SMG9: variants seen among roughly 807,000 people sequenced by gnomAD.
SMG9 encodes nonsense-mediated mRNA decay factor SMG9.
Under a neutral mutation model 64.0 loss-of-function variants are expected in SMG9, and 55 were observed. That is an observed-to-expected ratio of 0.86 (90% CI 0.69 to 1.08). The LOEUF (loss-of-function observed/expected upper bound fraction) is 1.08. SMG9 is among the 50% of genes least tolerant of loss of function. The pLI, the probability that SMG9 is intolerant of heterozygous loss-of-function variation, is 0.00. For synonymous variants in SMG9, 244 were observed against 254.8 expected, an observed-to-expected ratio of 0.96 and a Z score of 0.41; for missense variants, 554 against 681.3, an observed-to-expected ratio of 0.81 and a Z score of 2.08.
At chr19:43,742,523 CG>C (rs1300029669) in intron 6 of SMG9, among the ~76,000 whole-genome samples, 2 of 152,208 alleles carry the variant, frequency 1.3e-5, no homozygotes, top group African/African-American at 4.8e-5. Context: ...TATATTCTAA[CG>C]TGCCGAATAG....
rs1341678857 is a variant in SMG9 at position 43,729,869 on chromosome 19, T to C, written c.*1727A>G. On this transcript the variant is annotated 3_prime_UTR_variant, in exon 14 of 14. Coordinates refer to ENST00000270066, the MANE Select transcript of SMG9 (RefSeq NM_019108.4). ...TCGAGGATGATCTTAAATGTTGGAA[T>C]AATGGCCAGAGAGGGGAGGCTCCTT... The C allele has an allele frequency of 6.6e-6, 1 of 152,222 alleles. No homozygotes were observed. Among genetic ancestry groups the C allele is most frequent in the Non-Finnish European group, 1.5e-5 (1 of 68,086 alleles). 9.4% of individuals were successfully genotyped at this position (152,222 alleles called of 1,614,324 possible). A position where few individuals can be genotyped will look rare whatever the true frequency, so the allele number is the denominator to read the frequency against.
chr19:43,733,274 T>C (rs376145204), intron 12 of SMG9, 50 bp downstream of exon 12: 34 of 1,594,934 alleles, frequency 2.1e-5, no homozygotes, highest in Non-Finnish European at 2.8e-5. Flanking sequence ...GGTCTCTCTC[T>C]GATCAGGATA....
In SMG9 at chr19:43,747,989, G is replaced by C; in HGVS notation, c.214C>G (p.Pro72Ala). 1 of 1,614,158 alleles carries C rather than the reference G, an allele frequency of 6.2e-7. No individual in the cohort carries two copies. Among genetic ancestry groups the C allele is most frequent in the South Asian group, 1.1e-5 (1 of 91,066 alleles). Residue 72 changes from proline to alanine, a missense_variant, in exon 3 of 14, where the codon CCA (proline) becomes GCA (alanine). Physicochemically the swap from Pro to Ala is conservative, Grantham distance 27 (BLOSUM62 -1). Transcript: ENST00000270066. ...QKTPIILSKPPAERSKQPPPP... is the reference protein window; with the variant it reads ...QKTPIILSKPAAERSKQPPPP... Reference sequence around the variant, plus strand: ...CCTTCTCTGCTCACCCGCTCTGCTGGAGGTTTTGAGAGGATGATGGGGGTT... The same window carrying C: ...CCTTCTCTGCTCACCCGCTCTGCTGCAGGTTTTGAGAGGATGATGGGGGTT...
Position 43,734,454 on chromosome 19 carries a change from G to T in SMG9, c.1037C>A (p.Ser346Tyr). 6.4e-7 allele frequency: 1 copy of T among 1,563,144 alleles called. No homozygotes were observed. The highest frequency in any genetic ancestry group is 1.2e-5 in the South Asian group (1 of 84,892). Residue 346 changes from serine (S) to tyrosine (Y), a missense_variant, in exon 10 of 14, where the codon TCC (serine) becomes TAC (tyrosine). Ser to Tyr is a moderately radical substitution (Grantham distance 144). Transcript: ENST00000270066. ...TAEMVKPSTP[S>Y]PSHESSSSSG... Reference sequence around the variant, plus strand: ...TGAGCTGCTGGACTCGTGGCTGGGGGATGGGGTGGAGGGCTTCACCATCTC... The same window carrying T: ...TGAGCTGCTGGACTCGTGGCTGGGGTATGGGGTGGAGGGCTTCACCATCTC...
intron 9 of SMG9, among the ~76,000 whole-genome samples, chr19:43,737,082 T>G (rs1007139920): frequency 2.0e-5 from 3 of 152,152 alleles, no homozygotes; most frequent in African/African-American, 7.2e-5. Flanking sequence ...AAAACCAGCC[T>G]AGCCAACATG....
In SMG9 at chr19:43,740,198, T is replaced by C. The variant is rs1600199880; in HGVS notation, c.722A>G (p.Gln241Arg). 2 of 1,613,898 alleles carry C rather than the reference T, an allele frequency of 1.2e-6. No individual in the cohort carries two copies. Among genetic ancestry groups the C allele is most frequent in the African/African-American group, 1.3e-5 (1 of 74,994 alleles). ...CCCTCGTTCCTTCATTTCAGCGCTC[T>C]GGGCCCGGAAAACATAAGTCCTGTG... ...EDQRTYVFRA[Q>R]SAEMKERGGN... The change falls in exon 7 of 14, where the codon CAG becomes CGG. Residue 241 changes from glutamine to arginine, a missense_variant. Gln to Arg is a conservative substitution (Grantham distance 43). Coordinates refer to ENST00000270066, the MANE Select transcript of SMG9 (RefSeq NM_019108.4).
At chr19:43,740,296 G>T in intron 6 of SMG9, 78 bp from the exon 7 acceptor site, 1 of 1,057,544 alleles carries the variant, frequency 9.5e-7, no homozygotes, top group Non-Finnish European at 1.5e-6. Flanking sequence ...GACCCTGTGA[G>T]CTGAGCATGT....
chr19:43,742,555 T>C (rs767492686), intron 6 of SMG9, among the ~76,000 whole-genome samples: 4 of 152,240 alleles, frequency 2.6e-5, no homozygotes, highest in Non-Finnish European at 5.9e-5. Context: ...TTGTTTACTA[T>C]CTTCCCTATT....
rs750030766 is a variant in SMG9 at position 43,750,572 on chromosome 19, T to C, written c.150+20A>G. On this transcript the variant is annotated intron_variant, in intron 2 of 13. Coordinates refer to ENST00000270066, the MANE Select transcript of SMG9 (RefSeq NM_019108.4). ...AACCAAATAGATACATGAATGCTGC[T>C]CCTGGGTCCAGACACTCACCCTTCT... 6.3e-7 allele frequency: 1 copy of C among 1,597,808 alleles called. No individual in the cohort carries two copies. Among genetic ancestry groups the C allele is most frequent in the East Asian group, 2.2e-5 (1 of 44,670 alleles).
At chr19:43,742,796 G>C (rs560665096) in intron 6 of SMG9, among the ~76,000 whole-genome samples, 2 of 152,172 alleles carry the variant, frequency 1.3e-5, no homozygotes, top group African/African-American at 4.8e-5. Context: ...ATTAGAAAGA[G>C]AATTAGCAGG....
Position 43,733,665 on chromosome 19 carries a change from T to G in SMG9, c.1171A>C (p.Ile391Leu). 3 of 1,614,086 alleles carry G rather than the reference T, an allele frequency of 1.9e-6. No individual in the cohort carries two copies. The highest frequency in any genetic ancestry group is 2.5e-6 in the Non-Finnish European group (3 of 1,180,024). The change falls in exon 11 of 14, where the codon ATT (isoleucine) becomes CTT (leucine). Residue 391 changes from isoleucine to leucine, a missense_variant. By Grantham distance (5) the Ile-to-Leu change is conservative. Coordinates refer to ENST00000270066, the MANE Select transcript of SMG9 (RefSeq NM_019108.4). ...TGGGAGTGGGCCATGAGCTGGTCAA[T>G]CATCAGGTGCATCTGCCGCAGCTTC... The part of the protein sequence containing the change: ...PRKLRQMHLM[I>L]DQLMAHSHLR...
intron 10 of SMG9, 33 bp downstream of exon 10, chr19:43,734,356 G>C (rs1435218515): frequency 8.0e-6 from 12 of 1,509,192 alleles, no homozygotes; most frequent in South Asian, 1.2e-5. Context: ...TTTTCCTCCT[G>C]CCCACCCCTC....
At chr19:43,739,941 A>C (rs1968792912) in intron 7 of SMG9, 166 bp downstream of exon 7, 1 of 617,928 alleles carries the variant, frequency 1.6e-6, no homozygotes, top group Non-Finnish European at 2.9e-6. Context: ...AAGTGACAAG[A>C]GACTAAGGGC....
intron 1 of SMG9, among the ~76,000 whole-genome samples, chr19:43,752,523 C>G (rs1176865707): frequency 6.6e-6 from 1 of 152,230 alleles, no homozygotes; most frequent in Admixed American, 6.5e-5. Flanking sequence ...CTGTGGCTGC[C>G]TTCTTGATGC....
chr19:43,733,059 G>C, intron 12 of SMG9, 57 bp from the exon 13 acceptor site: 1 of 1,546,158 alleles, frequency 6.5e-7, no homozygotes, highest in Non-Finnish European at 8.7e-7. Context: ...CTTTCTCCCA[G>C]TTAACAGCAT....
At chr19:43,733,890 G>C in intron 10 of SMG9, 157 bp from the exon 11 acceptor site, 1 of 618,702 alleles carries the variant, frequency 1.6e-6, no homozygotes, top group East Asian at 2.7e-5. Flanking sequence ...CTCTGTGTAG[G>C]GCAATGCTGG....
chr19:43,754,575 C>T (rs1969295454), intron 1 of SMG9, 79 bp downstream of exon 1: 1 of 152,128 alleles, frequency 6.6e-6, no homozygotes, highest in South Asian at 2.1e-4. Context: ...TTTCAATGGC[C>T]AAGGCGGGGG....
intron 1 of SMG9, among the ~76,000 whole-genome samples, chr19:43,754,105 T>C (rs1969280770): frequency 6.6e-6 from 1 of 152,072 alleles, no homozygotes. Context: ...GTCTCCTCAG[T>C]ATTTAGGCAT....
At chr19:43,746,300 C>T (rs1462662228) in intron 5 of SMG9, among the ~76,000 whole-genome samples, 1 of 152,158 alleles carries the variant, frequency 6.6e-6, no homozygotes, top group Non-Finnish European at 1.5e-5. Context: ...AATTAGTAAG[C>T]TTAAACAACA....
Sources: allele counts gnomAD v4.1 joint callset (sites outside exome capture counted in the v4.1 genomes callset), GRCh38; gene constraint gnomAD v4.1.1; transcripts MANE v1.5; gene names NCBI Gene and HGNC (gene_info 2026-07-23, HGNC 2026-07-21).